The following GSDMB variants were observed in gnomAD, a reference collection of about 807,000 sequenced individuals.
GSDMB encodes the protein gasdermin-B.
A neutral mutation model predicts 42.9 loss-of-function variants in GSDMB; 32 were observed. The observed-to-expected ratio is 0.75, with a 90% CI of 0.56 to 1.00. The LOEUF is 1.00. Ranked by LOEUF, GSDMB falls within the 50% of genes least tolerant of loss-of-function variation. GSDMB has a pLI of 0.00. For missense variants in GSDMB, 468 were observed against 498.5 expected, an observed-to-expected ratio of 0.94 and a Z score of 0.58; for synonymous variants, 175 against 193.7, an observed-to-expected ratio of 0.90 and a Z score of 0.80.
At position 39,909,598 on chromosome 17, in the gene GSDMB, C is replaced by G. The variant is rs564666878; in HGVS notation, c.576+158G>C. 4 of 635,002 alleles carry G rather than the reference C, an allele frequency of 6.3e-6. No individual in the cohort carries two copies. In the South Asian group the frequency reaches 7.7e-5, roughly 12 times the overall value. 39.3% of individuals were successfully genotyped at this position (635,002 alleles called of 1,614,324 possible). A position where few individuals can be genotyped will look rare whatever the true frequency, so the allele number is the denominator to read the frequency against. ...CCGCTAGAGAGTAACAAGGGAAGGA[C>G]TGGGCAATGCCACCCACCCTTTCTT... On this transcript the variant is annotated intron_variant, in intron 4 of 10. Coordinates refer to ENST00000418519, the MANE Select transcript of GSDMB (RefSeq NM_001165958.2).
intron 2 of GSDMB, 134 bp from the exon 3 acceptor site, chr17:39,912,631 G>T: frequency 1.4e-6 from 1 of 692,672 alleles, no homozygotes. Flanking sequence ...CGCCACAGCT[G>T]TGGCTGTCCA....
rs753711000 is a variant in GSDMB at position 39,904,782 on chromosome 17, G to T, written c.*30C>A. 1 of 1,606,636 alleles carries T rather than the reference G, an allele frequency of 6.2e-7. No homozygotes were observed. Among genetic ancestry groups the T allele is most frequent in the East Asian group, 2.2e-5 (1 of 44,830 alleles). On this transcript the variant is annotated 3_prime_UTR_variant, in exon 11 of 11. Coordinates refer to ENST00000418519, the MANE Select transcript of GSDMB (RefSeq NM_001165958.2). ...GACAGACTGGTAAAGGGAAAACCCA[G>T]AGGCTTGTGGGGAGAAAGGGCTTTT...
chr17:39,915,078 C>A (rs1446901959), intron 2 of GSDMB, among the ~76,000 whole-genome samples: 1 of 152,120 alleles, frequency 6.6e-6, no homozygotes, highest in Non-Finnish European at 1.5e-5. Flanking sequence ...CTCAAGTGAT[C>A]CGCCCGCCTC....
At chr17:39,911,946 A>G (rs931645715) in intron 3 of GSDMB, among the ~76,000 whole-genome samples, 4 of 152,082 alleles carry the variant, frequency 2.6e-5, no homozygotes, top group Admixed American at 1.3e-4. Flanking sequence ...AAAAAAAAAC[A>G]AAACAAAAAC....
In GSDMB at chr17:39,906,948, C is replaced by T. The variant is rs750292994; in HGVS notation, c.727+13G>A. ...GTGCAGCCACCCTGAACACACTTGG[C>T]TATCACCCTTACCTAAACAGGATGA... On this transcript the variant is annotated intron_variant, in intron 7 of 10. Coordinates refer to ENST00000418519, the MANE Select transcript of GSDMB (RefSeq NM_001165958.2). 2.6e-5 allele frequency: 42 copies of T among 1,613,908 alleles called. No individual in the cohort carries two copies. Among genetic ancestry groups the T allele is most frequent in the Middle Eastern group, 3.3e-4 (2 of 6,028 alleles).
intron 10 of GSDMB, chr17:39,905,209 T>G: frequency 3.3e-6 from 2 of 604,122 alleles, no homozygotes; most frequent in South Asian, 4.1e-5. Context: ...TTTGCAGCCC[T>G]CTCTTGCCCA....
In GSDMB at chr17:39,907,422, G is replaced by C. The variant is rs193032155; in HGVS notation, c.701-435C>G. ...CTCCTTTAGTTTAAAGTCAGGAAAGGCTGGGCATGGTGGCTCACGCCTGTA... is the reference window on the plus strand; with the variant it reads ...CTCCTTTAGTTTAAAGTCAGGAAAGCCTGGGCATGGTGGCTCACGCCTGTA... On this transcript the variant is annotated intron_variant, in intron 6 of 10. Coordinates refer to ENST00000418519, the MANE Select transcript of GSDMB (RefSeq NM_001165958.2). 587 of 161,542 alleles carry C rather than the reference G, an allele frequency of 3.6e-3. 2 individuals carry two copies. Among genetic ancestry groups the C allele is most frequent in the African/African-American group, 8.9e-3 (370 of 41,750 alleles). 10.0% of individuals were successfully genotyped at this position (161,542 alleles called of 1,614,324 possible). A position where few individuals can be genotyped will look rare whatever the true frequency, so the allele number is the denominator to read the frequency against.
chr17:39,909,213 G>A (rs536961952), intron 4 of GSDMB, among the ~76,000 whole-genome samples, 171 bp from the exon 5 acceptor site: 1 of 152,276 alleles, frequency 6.6e-6, no homozygotes, highest in South Asian at 2.1e-4. Flanking sequence ...AAAAACAGTG[G>A]CAGAGCTGAA....
Position 39,909,825 on chromosome 17 carries a change from G to T in GSDMB, c.507C>A (p.Thr169=). 6.2e-7 allele frequency: 1 copy of T among 1,613,734 alleles called. No individual in the cohort carries two copies. The highest frequency in any genetic ancestry group is 8.5e-7 in the Non-Finnish European group (1 of 1,179,604). Residue 169 remains threonine (T), a synonymous_variant, in exon 4 of 11, where the codon ACC becomes ACA. Transcript: ENST00000418519. ...ATTTATATTGCCGGTCGCTTTTCAG[G>T]GTTTCCTCCTTTACCGTCTCCAGAG... ...TETLETVKEE[T]LKSDRQYKFW...
intron 4 of GSDMB, chr17:39,909,530 T>C: frequency 2.0e-6 from 1 of 510,914 alleles, no homozygotes; most frequent in East Asian, 3.3e-5. Context: ...ACCTCATCTC[T>C]ATTTAAAAAA....
Position 39,917,090 on chromosome 17 carries a change from C to A in GSDMB, c.227G>T (p.Gly76Val), listed in dbSNP as rs1423035117. 1.2e-6 allele frequency: 2 copies of A among 1,612,468 alleles called. No homozygotes were observed. Among genetic ancestry groups the A allele is most frequent in the African/African-American group, 2.7e-5 (2 of 74,842 alleles). Residue 76 changes from glycine to valine, a missense_variant, in exon 2 of 11, where the codon GGG becomes GTG. Physicochemically the swap from Gly to Val is moderately radical, Grantham distance 109. Coordinates refer to ENST00000418519, the MANE Select transcript of GSDMB (RefSeq NM_001165958.2). ...GDKWLDELDS[G>V]LQGQKAEFQI... Reference sequence around the variant, plus strand: ...ATCTACCTTATACTGACCTTGGAGCCCAGAATCCAGTTCATCTAACCACTT... The same window carrying A: ...ATCTACCTTATACTGACCTTGGAGCACAGAATCCAGTTCATCTAACCACTT...
In GSDMB at chr17:39,905,412, C is replaced by T. The variant is rs779437893; in HGVS notation, c.1098+14G>A. ...TTCCACTATGACCATGGCCCTCAGCCCAGGCTGTCTCACCTGGTCCTTCAA... is the reference window on the plus strand; with the variant it reads ...TTCCACTATGACCATGGCCCTCAGCTCAGGCTGTCTCACCTGGTCCTTCAA... On this transcript the variant is annotated intron_variant, in intron 10 of 10. Coordinates refer to ENST00000418519, the MANE Select transcript of GSDMB (RefSeq NM_001165958.2). 2 of 1,582,168 alleles carry T rather than the reference C, an allele frequency of 1.3e-6. No homozygotes were observed. The highest frequency in any genetic ancestry group is 4.5e-5 in the East Asian group (2 of 44,618).
intron 4 of GSDMB, 66 bp from the exon 5 acceptor site, chr17:39,909,108 C>A (rs1568102710): frequency 2.2e-6 from 2 of 908,732 alleles, no homozygotes; most frequent in East Asian, 2.8e-5. Context: ...GCCTGATCTC[C>A]CAAACAATCC....
rs1305432727 is a variant in GSDMB at position 39,904,894 on chromosome 17, T to C, written c.1169A>G (p.Glu390Gly). Residue 390 changes from glutamate to glycine, a missense_variant, in exon 11 of 11, where the codon GAG becomes GGG. Coordinates refer to ENST00000418519, the MANE Select transcript of GSDMB (RefSeq NM_001165958.2). ...ATACAGCGCACAGAGAATTCGTGCC[T>C]CAGGGTCATAGTCCATGTCAGGAGG... ...SSPPDMDYDPEARILCALYVV... is the reference protein window; with the variant it reads ...SSPPDMDYDPGARILCALYVV... 2 of 1,612,680 alleles carry C rather than the reference T, an allele frequency of 1.2e-6. No individual in the cohort carries two copies. Among genetic ancestry groups the C allele is most frequent in the Admixed American group, 1.7e-5 (1 of 60,008 alleles).
At chr17:39,916,472 A>G (rs886967633) in intron 2 of GSDMB, among the ~76,000 whole-genome samples, 3 of 150,684 alleles carry the variant, frequency 2.0e-5, no homozygotes, top group African/African-American at 7.3e-5. Flanking sequence ...TTTTTTTTTA[A>G]GCAGAGACGG....
rs377539369 is a variant in GSDMB, at chr17:39,912,464, A to T, written c.269T>A (p.Val90Glu). ...QKAEFQILDN[V>E]DSTGELIVRL... ...CACTATCAACTCTCCCGTTGAGTCT[A>T]CATTATCCAGAATTTGAAACTCAGC... The change falls in exon 3 of 11, where the codon GTA becomes GAA. Residue 90 changes from valine (V) to glutamate (E), a missense_variant. Transcript: ENST00000418519. 4.3e-6 allele frequency: 7 copies of T among 1,612,710 alleles called. No individual in the cohort carries two copies. The highest frequency in any genetic ancestry group is 1.7e-5 in the Admixed American group (1 of 59,998).
Position 39,904,633 on chromosome 17 carries a change from T to C in GSDMB, c.*179A>G, listed in dbSNP as rs2063470978. 2 of 536,562 alleles carry C rather than the reference T, an allele frequency of 3.7e-6. No homozygotes were observed. Among genetic ancestry groups the C allele is most frequent in the Non-Finnish European group, 6.6e-6 (2 of 304,354 alleles). 33.2% of individuals were successfully genotyped at this position (536,562 alleles called of 1,614,324 possible). On this transcript the variant is annotated 3_prime_UTR_variant, in exon 11 of 11. Coordinates refer to ENST00000418519, the MANE Select transcript of GSDMB (RefSeq NM_001165958.2). ...CCTGCCACTTTTAATCAGAAGTCCA[T>C]GTATGAAATCCAGGCTGGTTTTGGA... is the stretch of plus-strand genomic sequence containing the variant.
chr17:39,905,012 C>T (rs1195256027), intron 10 of GSDMB, 48 bp from the exon 11 acceptor site: 3 of 1,528,692 alleles, frequency 2.0e-6, no homozygotes, highest in Non-Finnish European at 2.7e-6. Flanking sequence ...AACGATATAC[C>T]AGAAATGGCA....
intron 10 of GSDMB, chr17:39,905,173 C>A: frequency 1.6e-6 from 1 of 610,426 alleles, no homozygotes; most frequent in Admixed American, 2.9e-5. Flanking sequence ...CAAGATCATA[C>A]CAGCTGCTGT....
Sources: gnomAD v4.1 joint callset for allele counts (sites outside exome capture counted in the v4.1 genomes callset) on GRCh38, gnomAD v4.1.1 for gene constraint, MANE v1.5 for transcripts, NCBI Gene and HGNC (gene_info 2026-07-23, HGNC 2026-07-21) for gene names.